KLF13: variants seen among roughly 807,000 people sequenced by gnomAD.
The protein encoded by KLF13 is Krueppel-like factor 13.
Under a neutral mutation model 16.7 loss-of-function variants are expected in KLF13, and 8 were observed. The observed-to-expected ratio is 0.48, with a 90% CI of 0.28 to 0.87. The LOEUF is 0.87. KLF13 is among the 40% of genes least tolerant of loss of function. The pLI is 0.10. For synonymous variants in KLF13, 245 were observed against 208.4 expected, an observed-to-expected ratio of 1.18 and a Z score of -1.51; for missense variants, 447 against 452.2, an observed-to-expected ratio of 0.99 and a Z score of 0.10.
chr15:31,408,459 T>C (rs2040153863), downstream of KLF13, among the ~76,000 whole-genome samples: 1 of 152,070 alleles, frequency 6.6e-6, no homozygotes, highest in Admixed American at 6.5e-5. Flanking sequence ...AAGTTAAAAT[T>C]CTCGCAAAAT....
intron 1 of KLF13, among the ~76,000 whole-genome samples, 187 bp from the exon 2 acceptor site, chr15:31,371,823 G>A (rs1043110050): frequency 2.6e-5 from 4 of 152,230 alleles, no homozygotes; most frequent in African/African-American, 7.2e-5. Flanking sequence ...CATCCCAGGC[G>A]TGGGCGGGAG....
At chr15:31,367,909 T>TA (rs2039501037) in intron 1 of KLF13, among the ~76,000 whole-genome samples, 1 of 152,144 alleles carries the variant, frequency 6.6e-6, no homozygotes, top group Admixed American at 6.5e-5. Flanking sequence ...AACCGAAACT[T>TA]ACTCTCTCAC....
At chr15:31,365,564 A>G (rs1253537552) in intron 1 of KLF13, among the ~76,000 whole-genome samples, 1 of 141,950 alleles carries the variant, frequency 7.0e-6, no homozygotes, top group Non-Finnish European at 1.5e-5. Context: ...GTTCGCAGAC[A>G]GAAAGATCTG....
intron 1 of KLF13, among the ~76,000 whole-genome samples, chr15:31,432,251 T>A (rs1303170209): frequency 2.6e-5 from 4 of 152,040 alleles, no homozygotes; most frequent in African/African-American, 9.7e-5. Context: ...GGGGGCTCCT[T>A]CCTGACCGCC....
At chr15:31,364,502 C>G (rs917177025) in intron 1 of KLF13, among the ~76,000 whole-genome samples, 1 of 152,238 alleles carries the variant, frequency 6.6e-6, no homozygotes, top group African/African-American at 2.4e-5. Flanking sequence ...ACATGCTTCC[C>G]GGGGCCCCTT....
downstream of KLF13, among the ~76,000 whole-genome samples, chr15:31,378,142 G>A (rs552261718): frequency 5.3e-5 from 8 of 152,232 alleles, no homozygotes; most frequent in African/African-American, 4.8e-5. Flanking sequence ...CCACCCCTCC[G>A]TCCATCCGAA....
chr15:31,411,291 A>G (rs1040605126), intron 1 of KLF13, among the ~76,000 whole-genome samples: 2 of 152,340 alleles, frequency 1.3e-5, no homozygotes, highest in African/African-American at 4.8e-5. Context: ...ATGCTGCTAT[A>G]AAGTCAACAA....
At chr15:31,329,956 C>T (rs1005999128) in intron 1 of KLF13, among the ~76,000 whole-genome samples, 4 of 152,106 alleles carry the variant, frequency 2.6e-5, no homozygotes, top group African/African-American at 9.7e-5. Context: ...TGCATGTTAC[C>T]GGTACCCCAG....
downstream of KLF13, among the ~76,000 whole-genome samples, chr15:31,406,788 G>A (rs572920856): frequency 5.0e-4 from 76 of 152,236 alleles, no homozygotes; most frequent in Non-Finnish European, 8.7e-4. Flanking sequence ...TTTCAAGGCC[G>A]TCAGTGTATC....
At chr15:31,387,317 C>A (rs1383411898) in intron 1 of KLF13, among the ~76,000 whole-genome samples, 1 of 152,342 alleles carries the variant, frequency 6.6e-6, no homozygotes, top group Non-Finnish European at 1.5e-5. Context: ...CCACCCTGAT[C>A]AGTCTGCAAC....
At chr15:31,369,379 A>T (rs969747938) in intron 1 of KLF13, among the ~76,000 whole-genome samples, 1 of 152,186 alleles carries the variant, frequency 6.6e-6, no homozygotes, top group Non-Finnish European at 1.5e-5. Flanking sequence ...CACCTCATGG[A>T]GTTGTTGTGA....
chr15:31,327,786 A>G lies in KLF13; in HGVS notation c.574A>G (p.Thr192Ala). Residue 192 changes from threonine (T) to alanine (A), a missense_variant, in exon 1 of 2, where the codon ACA becomes GCA. Thr to Ala is a moderately conservative substitution (Grantham distance 58, BLOSUM62 0). Transcript: ENST00000307145. The stretch of plus-strand genomic sequence containing the variant: ...CCTCAAGGCGCACCTGAGAACTCAC[A>G]CAGGTCAGTGGGGCGGCGCGGGCGC... ...SHLKAHLRTH[T>A]GERPFACSWQ... 1 of 1,520,556 alleles carries G rather than the reference A, an allele frequency of 6.6e-7. No individual in the cohort carries two copies. The highest frequency in any genetic ancestry group is 8.9e-7 in the Non-Finnish European group (1 of 1,128,662). 94.2% of individuals were successfully genotyped at this position (1,520,556 alleles called of 1,614,324 possible).
intron 1 of KLF13, among the ~76,000 whole-genome samples, chr15:31,365,260 C>G (rs2039447524): frequency 6.6e-6 from 1 of 152,220 alleles, no homozygotes; most frequent in African/African-American, 2.4e-5. Context: ...AGCGCTGCCC[C>G]TGCCATTGCC....
intron 1 of KLF13, among the ~76,000 whole-genome samples, chr15:31,371,343 T>C (rs2039551911): frequency 6.6e-6 from 1 of 152,250 alleles, no homozygotes; most frequent in African/African-American, 2.4e-5. Flanking sequence ...TCTGGGTTGC[T>C]GCCCTTGTCT....
At chr15:31,387,315 A>G (rs746672409) in intron 1 of KLF13, among the ~76,000 whole-genome samples, 4 of 152,216 alleles carry the variant, frequency 2.6e-5, no homozygotes, top group Non-Finnish European at 2.9e-5. Flanking sequence ...CACCACCCTG[A>G]TCAGTCTGCA....
In KLF13 at chr15:31,354,110, G is replaced by A. The variant is rs372214196; in HGVS notation, c.578-17900G>A. ...AATCCCTACCCAGCTTGGCCCCAGA[G>A]CCTGGCACAGCTCTGCCCTCCCAGT... On this transcript the variant is annotated intron_variant, in intron 1 of 1. Coordinates refer to ENST00000307145, the MANE Select transcript of KLF13 (RefSeq NM_015995.4). 6.6e-5 allele frequency among the ~76,000 whole-genome samples: 10 copies of A among 152,336 alleles called. No individual in the cohort carries two copies. In the East Asian group the frequency reaches 1.4e-3, roughly 21 times the overall value.
At chr15:31,405,120 C>T (rs1471107501), downstream of KLF13, among the ~76,000 whole-genome samples, 1 of 152,168 alleles carries the variant, frequency 6.6e-6, no homozygotes, top group African/African-American at 2.4e-5. Context: ...GTGACTAGGT[C>T]ATGCGAGCAG....
intron 1 of KLF13, chr15:31,420,362 T>C (rs1376077394): frequency 1.8e-6 from 2 of 1,127,618 alleles, no homozygotes; most frequent in African/African-American, 3.1e-5. Context: ...AGACCTGAGG[T>C]ATAAGCTCTT....
intron 1 of KLF13, among the ~76,000 whole-genome samples, chr15:31,428,308 G>A (rs1269623423): frequency 1.3e-5 from 2 of 152,188 alleles, no homozygotes; most frequent in African/African-American, 2.4e-5. Context: ...CGCACAACAT[G>A]TGTAGGGATA....
Sources: gnomAD v4.1 joint callset for allele counts (sites outside exome capture counted in the v4.1 genomes callset) on GRCh38, gnomAD v4.1.1 for gene constraint, MANE v1.5 for transcripts, NCBI Gene and HGNC (gene_info 2026-07-23, HGNC 2026-07-21) for gene names.